Variants in CTIF observed in about 807,000 individuals in gnomAD.
The protein encoded by CTIF is cap binding complex dependent translation initiation factor.
In CTIF, 21 loss-of-function variants were observed where a neutral mutation model predicts 66.0. The ratio of observed to expected loss-of-function variants is 0.32; its 90% CI spans 0.23 to 0.46. CTIF has a LOEUF of 0.46. Ranked by LOEUF, CTIF falls within the 20% of genes least tolerant of loss-of-function variation. The pLI, the probability that CTIF is intolerant of heterozygous loss-of-function variation, is 1.00. For missense variants in CTIF, 739 were observed against 812.7 expected (o/e 0.91, Z 1.10); for synonymous variants, 345 against 326.4 (o/e 1.06, Z -0.62).
intron 10 of CTIF, among the ~76,000 whole-genome samples, chr18:48,820,199 A>T (rs2068453743): frequency 6.6e-6 from 1 of 152,168 alleles, no homozygotes; most frequent in Admixed American, 6.5e-5. Flanking sequence ...CTGGGCCAAA[A>T]GAAAAGATGG....
intron 1 of CTIF, among the ~76,000 whole-genome samples, chr18:48,546,676 T>G (rs1307809444): frequency 1.3e-5 from 2 of 150,910 alleles, no homozygotes; most frequent in East Asian, 3.9e-4. Context: ...AGCCCAAGGG[T>G]TTGAGTCGTG....
chr18:48,801,434 G>A (rs931130172), intron 9 of CTIF, among the ~76,000 whole-genome samples: 8 of 152,180 alleles, frequency 5.3e-5, no homozygotes, highest in Admixed American at 4.6e-4. Flanking sequence ...TTTGGGATAC[G>A]GCTTAGATAA....
intron 9 of CTIF, among the ~76,000 whole-genome samples, chr18:48,775,791 T>C (rs772031632): frequency 6.6e-6 from 1 of 152,164 alleles, no homozygotes; most frequent in Non-Finnish European, 1.5e-5. Flanking sequence ...AGAGGATCTG[T>C]AAGTGGCAGG....
intron 7 of CTIF, among the ~76,000 whole-genome samples, chr18:48,723,966 A>T (rs1053860899): frequency 1.3e-5 from 2 of 152,224 alleles, no homozygotes; most frequent in Non-Finnish European, 2.9e-5. Flanking sequence ...GCTCAAGAAG[A>T]TAGGCCCTCA....
At chr18:48,799,717 A>G (rs986968153) in intron 9 of CTIF, among the ~76,000 whole-genome samples, 2 of 152,186 alleles carry the variant, frequency 1.3e-5, no homozygotes, top group African/African-American at 4.8e-5. Context: ...CTGTGCACCC[A>G]GATTATTTCC....
intron 1 of CTIF, among the ~76,000 whole-genome samples, chr18:48,584,668 G>A (rs2089729235): frequency 6.6e-6 from 1 of 152,196 alleles, no homozygotes; most frequent in African/African-American, 2.4e-5. Context: ...GTTTGGCGAT[G>A]TTCAGTGCAG....
intron 1 of CTIF, among the ~76,000 whole-genome samples, chr18:48,543,804 T>C (rs529575609): frequency 3.3e-5 from 5 of 152,212 alleles, no homozygotes; most frequent in Non-Finnish European, 7.3e-5. Context: ...AAAGTTAGGT[T>C]CTTCCCAAAG....
chr18:48,723,277 G>C (rs1348087373), intron 7 of CTIF, among the ~76,000 whole-genome samples: 1 of 152,068 alleles, frequency 6.6e-6, no homozygotes, highest in Admixed American at 6.5e-5. Flanking sequence ...GGTCCTCTTT[G>C]GGGTGAGGGG....
intron 1 of CTIF, among the ~76,000 whole-genome samples, chr18:48,545,146 G>A (rs2088715323): frequency 6.6e-6 from 1 of 152,224 alleles, no homozygotes. Context: ...TGCGCAGGGT[G>A]TGGAGGCATG....
At chr18:48,857,764 C>A in intron 11 of CTIF, 123 bp downstream of exon 11, 3 of 817,964 alleles carry the variant, frequency 3.7e-6, no homozygotes, top group Non-Finnish European at 5.7e-6. Flanking sequence ...AGGTGGATGG[C>A]TTCAGGAGTG....
chr18:48,779,132 T>C (rs1910976061), intron 9 of CTIF, among the ~76,000 whole-genome samples: 1 of 152,150 alleles, frequency 6.6e-6, no homozygotes, highest in African/African-American at 2.4e-5. Context: ...GGTGTTAGTA[T>C]AAACACAACA....
intron 1 of CTIF, chr18:48,565,156 C>G (rs926910100): frequency 2.6e-5 from 4 of 152,206 alleles, no homozygotes; most frequent in African/African-American, 9.7e-5. Context: ...ACTGATGTCA[C>G]CGTCTGTGTG....
rs2089335051 is a variant in CTIF at position 48,568,634 on chromosome 18, A to AAAAAAAAAAAAAAAAAAAAAG, written c.-29+29342_-29+29343insGAAAAAAAAAAAAAAAAAAAA. Among the ~76,000 whole-genome samples, 2 of 32,972 alleles carry AAAAAAAAAAAAAAAAAAAAAG rather than the reference A, an allele frequency of 6.1e-5. 1 individual carries two copies. The highest frequency in any genetic ancestry group is 9.2e-5 in the Non-Finnish European group (2 of 21,692). The allele number at this position is 32,972 out of a possible 152,430, so 21.6% of individuals were successfully genotyped here. The stretch of plus-strand genomic sequence containing the variant: ...AAATACCTGAGACTGGGCAATTTGT[A>AAAAAAAAAAAAAAAAAAAAAG]AAAAAAAAAAAAAAAAAAAAAAAAA... On this transcript the variant is annotated intron_variant, in intron 1 of 11. Transcript: ENST00000256413.
In CTIF at chr18:48,681,614, C is replaced by T. The variant is rs560160307; in HGVS notation, c.507+10870C>T. Reference sequence around the variant, plus strand: ...TGGAAAACCCTGGACTTTCCTTTAGCCCAGGGCCTGCTGGCACCCCCGGCT... The same window carrying T: ...TGGAAAACCCTGGACTTTCCTTTAGTCCAGGGCCTGCTGGCACCCCCGGCT... On this transcript the variant is annotated intron_variant, in intron 6 of 11. Coordinates refer to ENST00000256413, the MANE Select transcript of CTIF (RefSeq NM_014772.3). 8.4e-4 allele frequency among the ~76,000 whole-genome samples: 128 copies of T among 152,250 alleles called. 1 individual carries two copies. The Middle Eastern group carries it at 0.027, about 32-fold the overall frequency.
At chr18:48,737,454 CT>C (rs1190717598) in intron 7 of CTIF, among the ~76,000 whole-genome samples, 3 of 152,240 alleles carry the variant, frequency 2.0e-5, no homozygotes, top group Admixed American at 2.0e-4. Context: ...TCTAGGGGCT[CT>C]TTGCCCCTTA....
In CTIF at chr18:48,763,937, T is replaced by C. The variant is rs1442379404; in HGVS notation, c.1371+2248T>C. Among the ~76,000 whole-genome samples the C allele has an allele frequency of 2.0e-5, 3 of 152,262 alleles. No individual in the cohort carries two copies. In the East Asian group the frequency reaches 5.8e-4, roughly 29 times the overall value. ...GGTCTGTCATGAGTGATGCAGGCTT[T>C]GGGACCAGCCCAAGAGACCTAGTTC... On this transcript the variant is annotated intron_variant, in intron 9 of 11. Transcript: ENST00000256413.
At chr18:48,661,386 C>A (rs1296428371) in intron 3 of CTIF, among the ~76,000 whole-genome samples, 3 of 113,262 alleles carry the variant, frequency 2.6e-5, no homozygotes, top group African/African-American at 7.8e-5. Context: ...GTTTTGTTTG[C>A]ATGTATGATT....
intron 9 of CTIF, among the ~76,000 whole-genome samples, chr18:48,802,037 C>G (rs762013003): frequency 6.6e-6 from 1 of 152,246 alleles, no homozygotes; most frequent in Non-Finnish European, 1.5e-5. Flanking sequence ...TTGCGTCACT[C>G]TGTCACCTGG....
intron 6 of CTIF, among the ~76,000 whole-genome samples, chr18:48,689,511 G>A (rs986283524): frequency 6.6e-5 from 10 of 152,272 alleles, no homozygotes; most frequent in Admixed American, 1.3e-4. Context: ...AGAACCCTCC[G>A]CTGAAGGGTA....
Sources: allele counts gnomAD v4.1 joint callset (sites outside exome capture counted in the v4.1 genomes callset), GRCh38; gene constraint gnomAD v4.1.1; transcripts MANE v1.5; gene names NCBI Gene and HGNC (gene_info 2026-07-23, HGNC 2026-07-21).